The following TENM2 variants were observed in gnomAD, a reference collection of about 807,000 sequenced individuals.
TENM2 encodes the protein teneurin-2.
Under a neutral mutation model 245.2 loss-of-function variants are expected in TENM2, and 52 were observed. The ratio of observed to expected loss-of-function variants is 0.21; its 90% CI spans 0.17 to 0.27. The LOEUF is 0.27. Ranked by LOEUF, TENM2 falls within the 10% of genes least tolerant of loss-of-function variation. The pLI is 1.00. For synonymous variants in TENM2, 1,363 were observed against 1,438.9 expected, an observed-to-expected ratio of 0.95 and a Z score of 1.19; for missense variants, 3,046 against 3,666.8, an observed-to-expected ratio of 0.83 and a Z score of 4.37.
intron 2 of TENM2, among the ~76,000 whole-genome samples, chr5:167,743,593 C>T (rs77751109): frequency 0.018 from 2,756 of 152,148 alleles, 66 homozygotes; most frequent in African/African-American, 0.06. Flanking sequence ...ATGGCAAACA[C>T]GGCTCAGCCT....
chr5:167,321,801 T>TGGG (rs1343498230), intron 1 of TENM2, among the ~76,000 whole-genome samples: 1 of 7,278 alleles, frequency 1.4e-4, no homozygotes, highest in African/African-American at 5.2e-4. Flanking sequence ...TTTTTTTTTT[T>TGGG]GGGGGGGGGG....
At chr5:168,038,985 C>T (rs1488219671) in intron 5 of TENM2, among the ~76,000 whole-genome samples, 2 of 152,066 alleles carry the variant, frequency 1.3e-5, no homozygotes, top group African/African-American at 4.8e-5. Context: ...GGAAATAAAT[C>T]CCAACCCTCT....
At chr5:168,241,048 C>G (rs563564847) in intron 25 of TENM2, 1 of 152,080 alleles carries the variant, frequency 6.6e-6, no homozygotes, top group Non-Finnish European at 1.5e-5. Context: ...GCTCCAATCC[C>G]GTATAATTCA....
At chr5:167,514,178 T>G (rs1257997277) in intron 2 of TENM2, among the ~76,000 whole-genome samples, 5 of 152,196 alleles carry the variant, frequency 3.3e-5, no homozygotes, top group Non-Finnish European at 7.3e-5. Context: ...AAGCTATCAT[T>G]GAGTATCAAT....
At chr5:167,941,684 CAAAAAAAA>C (rs981805963) in intron 3 of TENM2, among the ~76,000 whole-genome samples, 3 of 110,034 alleles carry the variant, frequency 2.7e-5, no homozygotes, top group Non-Finnish European at 3.9e-5. Context: ...CCATCTCTAC[CAAAAAAAA>C]AAAAAAAAAA....
intron 25 of TENM2, among the ~76,000 whole-genome samples, chr5:168,240,452 A>G (rs889380321): frequency 2.0e-5 from 3 of 152,206 alleles, no homozygotes; most frequent in Non-Finnish European, 4.4e-5. Flanking sequence ...GTATTTATCT[A>G]AACTTGAGCA....
chr5:168,058,715 T>C (rs1789777046), intron 6 of TENM2, among the ~76,000 whole-genome samples: 1 of 152,202 alleles, frequency 6.6e-6, no homozygotes, highest in Non-Finnish European at 1.5e-5. Context: ...GTGCCCACAC[T>C]ATTTTTTGTC....
chr5:167,515,879 T>C (rs2127576129), intron 2 of TENM2, among the ~76,000 whole-genome samples: 1 of 151,970 alleles, frequency 6.6e-6, no homozygotes, highest in African/African-American at 2.4e-5. Flanking sequence ...TGAAAGTAAG[T>C]TCATTTCCAG....
exon 29 of TENM2, chr5:168,262,894 CAG>C: frequency 3.0e-6 from 4 of 1,332,242 alleles, no homozygotes; most frequent in Non-Finnish European, 4.1e-6. Context: ...GAAGACCTAA[CAG>C]GGGCACTGCG....
chr5:167,133,547 T>A, the TENM2 span, among the ~76,000 whole-genome samples: 1 of 149,396 alleles, frequency 6.7e-6, no homozygotes, highest in African/African-American at 2.5e-5. Flanking sequence ...TGACAGGTAT[T>A]AATTATAGAG....
chr5:167,134,740 T>C, the TENM2 span, among the ~76,000 whole-genome samples: 2 of 152,204 alleles, frequency 1.3e-5, no homozygotes, highest in East Asian at 3.8e-4. Flanking sequence ...CATTACCAGT[T>C]TGGCTGAAGA....
At chr5:167,519,495 T>C (rs775398411) in intron 2 of TENM2, among the ~76,000 whole-genome samples, 2 of 152,134 alleles carry the variant, frequency 1.3e-5, no homozygotes, top group Admixed American at 6.6e-5. Flanking sequence ...GCCAAAACCA[T>C]GCACTTTAAA....
At chr5:167,713,636 G>A (rs576415207) in intron 2 of TENM2, among the ~76,000 whole-genome samples, 21 of 152,122 alleles carry the variant, frequency 1.4e-4, no homozygotes, top group Admixed American at 3.3e-4. Flanking sequence ...ACATACATGC[G>A]CACATGCAAG....
At chr5:167,026,682 C>T in the TENM2 span, among the ~76,000 whole-genome samples, 2 of 152,142 alleles carry the variant, frequency 1.3e-5, no homozygotes, top group East Asian at 1.9e-4. Flanking sequence ...CCCGGTGAGG[C>T]GTATAGACTT....
chr5:167,693,978 G>A (rs543891729), intron 2 of TENM2, among the ~76,000 whole-genome samples: 106 of 152,232 alleles, frequency 7.0e-4, no homozygotes, highest in African/African-American at 2.5e-3. Flanking sequence ...ATATATTTTG[G>A]ATGCACAACA....
At chr5:168,098,802 T>C (rs1793573117) in intron 9 of TENM2, among the ~76,000 whole-genome samples, 3 of 152,036 alleles carry the variant, frequency 2.0e-5, no homozygotes, top group Non-Finnish European at 2.9e-5. Flanking sequence ...CAGACACAGA[T>C]ACACAGACAC....
chr5:167,696,642 T>C (rs78949276), intron 2 of TENM2, among the ~76,000 whole-genome samples: 2,190 of 152,340 alleles, frequency 0.014, 47 homozygotes, highest in African/African-American at 0.051. Flanking sequence ...TTATGAGGCA[T>C]TCTTTGAAAA....
At chr5:167,684,384 A>G (rs183517500) in intron 2 of TENM2, among the ~76,000 whole-genome samples, 1 of 152,324 alleles carries the variant, frequency 6.6e-6, no homozygotes, top group East Asian at 1.9e-4. Context: ...AGCATGAAAA[A>G]TGCACCACTT....
rs577665871 is a variant in TENM2 at position 167,732,930 on chromosome 5, A to T, written c.503-143056A>T. On this transcript the variant is annotated intron_variant, in intron 2 of 28. Coordinates refer to ENST00000518659, the Ensembl canonical transcript of TENM2. ...TAACCATGCCATGTGTTCACTTTTCATTAAGTAGTGACGTGGATGGTGCAA... is the reference window on the plus strand; with the variant it reads ...TAACCATGCCATGTGTTCACTTTTCTTTAAGTAGTGACGTGGATGGTGCAA... 3.3e-5 allele frequency among the ~76,000 whole-genome samples: 5 copies of T among 152,318 alleles called. No homozygotes were observed. In the South Asian group the frequency reaches 1.0e-3, roughly 32 times the overall value.
Sources: allele counts gnomAD v4.1 joint callset (sites outside exome capture counted in the v4.1 genomes callset), GRCh38; gene constraint gnomAD v4.1.1; transcripts MANE v1.5; gene names NCBI Gene and HGNC (gene_info 2026-07-23, HGNC 2026-07-21).